Variants in CELF3 observed in about 807,000 individuals in gnomAD.
CELF3 encodes CUGBP Elav-like family member 3.
A neutral mutation model predicts 59.6 loss-of-function variants in CELF3; 26 were observed. The observed-to-expected ratio is 0.44, with a 90% CI of 0.32 to 0.61. The LOEUF is 0.61. Among genes scored for constraint, CELF3 ranks in the 20% least tolerant of loss-of-function variants. The pLI is 0.06. For missense variants in CELF3, 387 were observed against 627.2 expected (o/e 0.62, Z 4.09); for synonymous variants, 245 against 250.7 (o/e 0.98, Z 0.22).
At chr1:151,714,551 T>C (rs1225974173) in intron 2 of CELF3, 43 bp downstream of exon 2, 1 of 1,443,898 alleles carries the variant, frequency 6.9e-7, no homozygotes, top group Non-Finnish European at 9.5e-7. Context: ...GCCACTTCTA[T>C]GGCCCTTCTC....
At chr1:151,706,063 C>T in intron 10 of CELF3, 98 bp from the exon 11 acceptor site, 1 of 1,586,016 alleles carries the variant, frequency 6.3e-7, no homozygotes, top group South Asian at 1.1e-5. Context: ...GGAGTGCCCT[C>T]CAGTCCCAGT....
Position 151,707,526 on chromosome 1 carries a change from G to A in CELF3, c.753C>T (p.Thr251=), listed in dbSNP as rs775318743. 17 of 1,610,450 alleles carry A rather than the reference G, an allele frequency of 1.1e-5. 1 individual carries two copies. The South Asian group carries it at 1.5e-4, about 15-fold the overall frequency. ...AAINANGLIA[T]PITPSSGTST... is the part of the protein sequence containing the mutation. Reference sequence around the variant, plus strand: ...CCATACCTGAGGATGGGGTGATGGGGGTGGCGATGAGGCCATTGGCATTGA... The same window carrying A: ...CCATACCTGAGGATGGGGTGATGGGAGTGGCGATGAGGCCATTGGCATTGA... Residue 251 remains threonine, a synonymous_variant, in exon 7 of 13, where the codon ACC becomes ACT. Transcript: ENST00000290583.
In CELF3 at chr1:151,705,943, G is replaced by A; in HGVS notation, c.1149C>T (p.Phe383=). ...TGAACTCCTGGGGCAGGTGGTAGAT[G>A]AAGATGTTGCAGCCATCAGGGCCTG... The part of the protein sequence containing the change: ...QREGPDGCNI[F]IYHLPQEFTD... Residue 383 remains phenylalanine (F), a synonymous_variant, in exon 11 of 13, where the codon TTC becomes TTT. Coordinates refer to ENST00000290583, the MANE Select transcript of CELF3 (RefSeq NM_007185.7). This position sits in a 1 kb window ranked among gnomAD's most constrained non-coding sequence, Gnocchi z 5.1. The A allele has an allele frequency of 1.2e-6, 2 of 1,614,004 alleles. No individual in the cohort carries two copies. Among genetic ancestry groups the A allele is most frequent in the South Asian group, 2.2e-5 (2 of 91,074 alleles).
At chr1:151,714,498 A>G in intron 2 of CELF3, 96 bp downstream of exon 2, 2 of 845,970 alleles carry the variant, frequency 2.4e-6, no homozygotes, top group Non-Finnish European at 2.0e-6. Context: ...TGATGAGAGG[A>G]GGTGGAAATT....
chr1:151,705,217 C>T lies in CELF3; in HGVS notation c.1271-49G>A, dbSNP rs762282187. ...CCGGCCCAGCCCCACCTCGCTCTTCCGTGCTTAGGAGACCTCTGGCACTAC... is the reference window on the plus strand; with the variant it reads ...CCGGCCCAGCCCCACCTCGCTCTTCTGTGCTTAGGAGACCTCTGGCACTAC... On this transcript the variant is annotated intron_variant, in intron 11 of 12. Coordinates refer to ENST00000290583, the MANE Select transcript of CELF3 (RefSeq NM_007185.7). This position sits in a 1 kb window ranked among gnomAD's most constrained non-coding sequence, Gnocchi z 5.1. 8 of 1,569,324 alleles carry T rather than the reference C, an allele frequency of 5.1e-6. No individual in the cohort carries two copies. The highest frequency in any genetic ancestry group is 3.5e-5 in the Admixed American group (2 of 56,910).
intron 5 of CELF3, chr1:151,708,288 T>TTAATCTCA: frequency 4.0e-6 from 1 of 249,806 alleles, no homozygotes; most frequent in Non-Finnish European, 7.7e-6. Flanking sequence ...AGTCTTCCCT[T>TTAATCTCA]GTAGCTGCCC....
chr1:151,703,155 T>A lies in CELF3; in HGVS notation c.*304A>T. The A allele has an allele frequency of 2.2e-6, 1 of 460,678 alleles. No homozygotes were observed. The highest frequency in any genetic ancestry group is 4.4e-6 in the Non-Finnish European group (1 of 229,492). The allele number at this position is 460,678 out of a possible 1,614,324, so 28.5% of individuals were successfully genotyped here. A position where few individuals can be genotyped will look rare whatever the true frequency, so the allele number is the denominator to read the frequency against. On this transcript the variant is annotated 3_prime_UTR_variant, in exon 13 of 13. Coordinates refer to ENST00000290583, the MANE Select transcript of CELF3 (RefSeq NM_007185.7). ...ACAAACGCTGGGTACAGAAGGCCTG[T>A]CACAGGAGCCCAGCAGAAGGCAGAT...
Position 151,705,466 on chromosome 1 carries a change from G to A in CELF3, c.1271-298C>T, listed in dbSNP as rs539240898. On this transcript the variant is annotated intron_variant, in intron 11 of 12. Coordinates refer to ENST00000290583, the MANE Select transcript of CELF3 (RefSeq NM_007185.7). This position sits in a 1 kb window ranked among gnomAD's most constrained non-coding sequence, Gnocchi z 5.1. ...TTCCAGACCCTAAATGGCTTCTGAA[G>A]CAGAGAAGAACATTCCCTTTCTCCC... 6.6e-6 allele frequency among the ~76,000 whole-genome samples: 1 copy of A among 152,326 alleles called. No individual in the cohort carries two copies. The highest frequency in any genetic ancestry group is 2.1e-4 in the South Asian group (1 of 4,826).
At chr1:151,714,499 G>C (rs1260955823) in intron 2 of CELF3, 95 bp downstream of exon 2, 1 of 866,172 alleles carries the variant, frequency 1.2e-6, no homozygotes, top group Admixed American at 2.0e-5. Context: ...GATGAGAGGA[G>C]GTGGAAATTA....
intron 2 of CELF3, chr1:151,713,449 AC>A (rs1673193737): frequency 6.6e-6 from 1 of 151,900 alleles, no homozygotes; most frequent in Non-Finnish European, 1.5e-5. Flanking sequence ...TTTTCCTCTG[AC>A]CCCCTCTCAT....
intron 1 of CELF3, among the ~76,000 whole-genome samples, chr1:151,714,907 G>A (rs1199877754): frequency 6.6e-6 from 1 of 152,094 alleles, no homozygotes; most frequent in South Asian, 2.1e-4. Flanking sequence ...CACTTGGGCT[G>A]TCAGGAGATG....
chr1:151,714,807 G>A (rs1374853211), intron 1 of CELF3, 131 bp from the exon 2 acceptor site: 2 of 692,446 alleles, frequency 2.9e-6, no homozygotes, highest in Non-Finnish European at 5.0e-6. Context: ...TGCTGGGGTA[G>A]AGAGGTGTCT....
rs1387346282 is a variant in CELF3 at position 151,709,195 on chromosome 1, G to C, written c.406+25C>G. On this transcript the variant is annotated intron_variant, in intron 4 of 12. Coordinates refer to ENST00000290583, the MANE Select transcript of CELF3 (RefSeq NM_007185.7). The surrounding 1 kb of genome is among the most constrained non-coding windows in gnomAD (Gnocchi z 4.9). ...GAACAGGAAGGGGAAGGGCCCGGTGGGGAAGGGGGAAGTGGGTGGACTACC... is the reference window on the plus strand; with the variant it reads ...GAACAGGAAGGGGAAGGGCCCGGTGCGGAAGGGGGAAGTGGGTGGACTACC... The C allele has an allele frequency of 2.5e-6, 4 of 1,611,296 alleles. No homozygotes were observed. The highest frequency in any genetic ancestry group is 3.4e-6 in the Non-Finnish European group (4 of 1,177,830).
chr1:151,716,145 C>T lies in CELF3; in HGVS notation c.-125G>A, dbSNP rs1673464015. On this transcript the variant is annotated 5_prime_UTR_variant, in exon 1 of 13. Transcript: ENST00000290583. ...AGCTGGGGCTGGCTTTCCCTTTGGC[C>T]CCCAACCACGCTGCTAAGCAGAGGG... 4 of 974,378 alleles carry T rather than the reference C, an allele frequency of 4.1e-6. No homozygotes were observed. The highest frequency in any genetic ancestry group is 4.4e-6 in the Non-Finnish European group (3 of 676,534). 60.4% of individuals were successfully genotyped at this position (974,378 alleles called of 1,614,324 possible). A position where few individuals can be genotyped will look rare whatever the true frequency, so the allele number is the denominator to read the frequency against.
At position 151,703,060 on chromosome 1, in the gene CELF3, T is replaced by A. The variant is rs1672198453; in HGVS notation, c.*399A>T. 1 of 412,434 alleles carries A rather than the reference T, an allele frequency of 2.4e-6. No individual in the cohort carries two copies. Among genetic ancestry groups the A allele is most frequent in the South Asian group, 1.7e-5 (1 of 58,882 alleles). 25.5% of individuals were successfully genotyped at this position (412,434 alleles called of 1,614,324 possible). ...CTGGGGTGAGGGTGAGCTGGGAGTG[T>A]GTGGCAGGCCCCTGCGGCTCTCCTG... On this transcript the variant is annotated 3_prime_UTR_variant, in exon 13 of 13. Transcript: ENST00000290583.
intron 1 of CELF3, 172 bp downstream of exon 1, chr1:151,715,704 C>T (rs1673423161): frequency 2.6e-6 from 4 of 1,549,210 alleles, no homozygotes; most frequent in East Asian, 2.4e-5. Flanking sequence ...ACCGGGGTTT[C>T]CTGATCACTC....
At chr1:151,707,120 G>A (rs1308153) in intron 8 of CELF3, 25 bp downstream of exon 8, 76,015 of 1,457,370 alleles carry the variant, frequency 0.052, 6,212 homozygotes, top group East Asian at 0.32. Context: ...TTGCTGGGAC[G>A]GAGTGGGCAG....
Position 151,706,231 on chromosome 1 carries a change from TTGCTGCTGCTGCTGTTGCTGCTGCTGC to T in CELF3, c.1092_1118del (p.Gln365_Gln373del), listed in dbSNP as rs766987017. ...CAAGGCCCCAGCCAGCACCTTCTCT[TTGCTGCTGCTGCTGTTGCTGCTGCTGC>T]TGCTGCTGCTGCTGTTGAGGTGGTG... is the stretch of plus-strand genomic sequence containing the variant. On this transcript the variant is annotated inframe_deletion, in exon 10 of 13. Coordinates refer to ENST00000290583, the MANE Select transcript of CELF3 (RefSeq NM_007185.7). 81 of 1,608,246 alleles carry T rather than the reference TTGCTGCTGCTGCTGTTGCTGCTGCTGC, an allele frequency of 5.0e-5. No individual in the cohort carries two copies. Among genetic ancestry groups the T allele is most frequent in the Non-Finnish European group, 5.9e-5 (69 of 1,178,226 alleles).
rs1671986984 is a variant in CELF3 at position 151,700,304 on chromosome 1, G to T, written c.*3155C>A. Among the ~76,000 whole-genome samples the T allele has an allele frequency of 6.6e-6, 1 of 152,204 alleles. No homozygotes were observed. The highest frequency in any genetic ancestry group is 6.5e-5 in the Admixed American group (1 of 15,280). On this transcript the variant is annotated 3_prime_UTR_variant, in exon 13 of 13. Transcript: ENST00000290583. Reference sequence around the variant, plus strand: ...TGAGGGCCGTTAAGATTTTCATGAAGAAAGTAGTGTTTAAGGTGAACTGTT... The same window carrying T: ...TGAGGGCCGTTAAGATTTTCATGAATAAAGTAGTGTTTAAGGTGAACTGTT...
Sources: gnomAD v4.1 joint callset for allele counts (sites outside exome capture counted in the v4.1 genomes callset) on GRCh38, gnomAD v4.1.1 for gene constraint, Gnocchi (gnomAD v3.1) non-coding constraint, MANE v1.5 for transcripts, NCBI Gene and HGNC (gene_info 2026-07-23, HGNC 2026-07-21) for gene names.